The following SLC25A37 variants were observed in gnomAD, a reference collection of about 807,000 sequenced individuals.
SLC25A37 encodes the protein mitoferrin-1.
A neutral mutation model predicts 31.0 loss-of-function variants in SLC25A37; 17 were observed. That is an observed-to-expected ratio of 0.55 (90% CI 0.38 to 0.82). The LOEUF is 0.82. SLC25A37 is among the 40% of genes least tolerant of loss of function. SLC25A37 has a pLI of 0.00. For synonymous variants in SLC25A37, 222 were observed against 193.0 expected (o/e 1.15, Z -1.24); for missense variants, 404 against 465.8 (o/e 0.87, Z 1.22).
chr8:23,566,389 C>G (rs748869247), intron 2 of SLC25A37, 53 bp downstream of exon 2: 2 of 1,566,084 alleles, frequency 1.3e-6, no homozygotes, highest in African/African-American at 1.4e-5. Context: ...TCAACACGTC[C>G]CTCCCCAGGG....
At position 23,529,364 on chromosome 8, in the gene SLC25A37, C is replaced by A. The variant is rs1801615003; in HGVS notation, c.210+152C>A. 6.6e-6 allele frequency among the ~76,000 whole-genome samples: 1 copy of A among 151,520 alleles called. No individual in the cohort carries two copies. The highest frequency in any genetic ancestry group is 1.5e-5 in the Non-Finnish European group (1 of 67,810). On this transcript the variant is annotated intron_variant, in intron 1 of 3. Coordinates refer to ENST00000519973, the MANE Select transcript of SLC25A37 (RefSeq NM_016612.4). This position sits in a 1 kb window ranked among gnomAD's most constrained non-coding sequence, Gnocchi z 4.1. ...GCCGGGGTCGCCCCAGGAGCAGCTGCGCGCAGCCTGGGCGCCGCGCCTTCC... is the reference window on the plus strand; with the variant it reads ...GCCGGGGTCGCCCCAGGAGCAGCTGAGCGCAGCCTGGGCGCCGCGCCTTCC...
At position 23,571,670 on chromosome 8, in the gene SLC25A37, C is replaced by T; in HGVS notation, c.832C>T (p.Arg278Trp). ...VALSLANISG[R>W]LSGMANAFRT... Reference sequence around the variant, plus strand: ...CCTCTCGCTGGCCAACATCAGCGGCCGGCTGTCGGGTATGGCCAATGCCTT... The same window carrying T: ...CCTCTCGCTGGCCAACATCAGCGGCTGGCTGTCGGGTATGGCCAATGCCTT... The change falls in exon 4 of 4, where the codon CGG becomes TGG. Residue 278 changes from arginine (R) to tryptophan (W), a missense_variant. Physicochemically the swap from Arg to Trp is moderately radical, Grantham distance 101. This residue lies in a region of SLC25A37 where 243 missense variants were observed against 284.4 expected (regional missense o/e 0.85). Coordinates refer to ENST00000519973, the MANE Select transcript of SLC25A37 (RefSeq NM_016612.4). 6.2e-7 allele frequency: 1 copy of T among 1,613,982 alleles called. No homozygotes were observed. The highest frequency in any genetic ancestry group is 8.5e-7 in the Non-Finnish European group (1 of 1,179,880).
chr8:23,571,042 G>C (rs376907200), intron 3 of SLC25A37, among the ~76,000 whole-genome samples: 55 of 152,312 alleles, frequency 3.6e-4, no homozygotes, highest in African/African-American at 1.3e-3. Context: ...AGTCTGAAGT[G>C]GCTGCCTGGT....
At chr8:23,561,859 G>C (rs1393150864) in intron 1 of SLC25A37, among the ~76,000 whole-genome samples, 2 of 152,228 alleles carry the variant, frequency 1.3e-5, no homozygotes, top group Non-Finnish European at 2.9e-5. Context: ...GGGTAACTCT[G>C]ATCTTCAGCC....
rs17089394 is a variant in SLC25A37, at chr8:23,569,898, A to C, written c.497-1437A>C. Among the ~76,000 whole-genome samples, 968 of 152,288 alleles carry C rather than the reference A, an allele frequency of 6.4e-3. 15 individuals carry two copies. Among genetic ancestry groups the C allele is most frequent in the East Asian group, 0.063 (326 of 5,178 alleles). ...CTTTTCACCTTTTTGCCTCATCTGA[A>C]AATAGTTCCTGGCCAGAAGGGAGAA... On this transcript the variant is annotated intron_variant, in intron 3 of 3. Transcript: ENST00000519973.
chr8:23,543,657 C>T (rs1486452692), intron 1 of SLC25A37, among the ~76,000 whole-genome samples: 3 of 152,164 alleles, frequency 2.0e-5, no homozygotes, highest in African/African-American at 7.2e-5. Flanking sequence ...TCCCCAGCTT[C>T]CCGAGTTGCT....
chr8:23,536,079 AAATG>A (rs972968216), intron 1 of SLC25A37, among the ~76,000 whole-genome samples: 3 of 152,180 alleles, frequency 2.0e-5, no homozygotes, highest in Non-Finnish European at 2.9e-5. Flanking sequence ...CGTTGTCAAT[AAATG>A]GTGATGGTGA....
At chr8:23,548,496 T>TTTTG (rs1802131186) in intron 1 of SLC25A37, among the ~76,000 whole-genome samples, 1 of 148,270 alleles carries the variant, frequency 6.7e-6, no homozygotes, top group Admixed American at 6.7e-5. Context: ...TTTTTTTTTT[T>TTTTG]AGACTTGTTG....
At chr8:23,548,697 C>T (rs1264449107) in intron 1 of SLC25A37, among the ~76,000 whole-genome samples, 8 of 151,998 alleles carry the variant, frequency 5.3e-5, no homozygotes, top group Non-Finnish European at 8.8e-5. Flanking sequence ...CTCAAATTCC[C>T]GACCTCAGGT....
In SLC25A37 at chr8:23,546,597, AGTGTATGTG is replaced by A. The variant is rs1418458067; in HGVS notation, c.210+17386_210+17394del. 1.2e-3 allele frequency among the ~76,000 whole-genome samples: 70 copies of A among 60,744 alleles called. 1 individual carries two copies. Among genetic ancestry groups the A allele is most frequent in the African/African-American group, 8.2e-3 (66 of 8,094 alleles). The allele number at this position is 60,744 out of a possible 152,430, so 39.9% of individuals were successfully genotyped here. On this transcript the variant is annotated intron_variant, in intron 1 of 3. Transcript: ENST00000519973. ...ATATATATATAGTGTATATATATAT[AGTGTATGTG>A]TGTGTGTGTGTGTGTATATATATAT...
intron 1 of SLC25A37, among the ~76,000 whole-genome samples, chr8:23,549,374 T>A (rs1238388139): frequency 2.6e-5 from 4 of 152,214 alleles, no homozygotes; most frequent in Non-Finnish European, 4.4e-5. Flanking sequence ...GAGAGGGTTT[T>A]AGCGTAAAAA....
intron 2 of SLC25A37, chr8:23,567,661 C>CA (rs1300314025): frequency 6.6e-6 from 1 of 152,584 alleles, no homozygotes; most frequent in Admixed American, 6.5e-5. Flanking sequence ...GGAGGAAACT[C>CA]AAAGCCGAAA....
Position 23,563,916 on chromosome 8 carries a change from G to A in SLC25A37, c.211-2192G>A, listed in dbSNP as rs146294138. Among the ~76,000 whole-genome samples the A allele has an allele frequency of 7.0e-3, 1,062 of 152,230 alleles. 9 individuals carry two copies. The highest frequency in any genetic ancestry group is 0.025 in the African/African-American group (1,019 of 41,524). On this transcript the variant is annotated intron_variant, in intron 1 of 3. Coordinates refer to ENST00000519973, the MANE Select transcript of SLC25A37 (RefSeq NM_016612.4). ...GAATCGCTTGAACGTGGCAGGCGGAGGTTGCAGCGAGCCGAGATTGTGCCA... is the reference window on the plus strand; with the variant it reads ...GAATCGCTTGAACGTGGCAGGCGGAAGTTGCAGCGAGCCGAGATTGTGCCA...
rs1801614616 is a variant in SLC25A37, at chr8:23,529,352, C to G, written c.210+140C>G. 3 of 714,928 alleles carry G rather than the reference C, an allele frequency of 4.2e-6. No homozygotes were observed. The highest frequency in any genetic ancestry group is 6.1e-6 in the Non-Finnish European group (3 of 493,274). 44.3% of individuals were successfully genotyped at this position (714,928 alleles called of 1,614,324 possible). A position where few individuals can be genotyped will look rare whatever the true frequency, so the allele number is the denominator to read the frequency against. On this transcript the variant is annotated intron_variant, in intron 1 of 3. Coordinates refer to ENST00000519973, the MANE Select transcript of SLC25A37 (RefSeq NM_016612.4). This position sits in a 1 kb window ranked among gnomAD's most constrained non-coding sequence, Gnocchi z 4.1. ...GGACCGCGGCTGGCCGGGGTCGCCC[C>G]AGGAGCAGCTGCGCGCAGCCTGGGC... is the stretch of plus-strand genomic sequence containing the variant.
chr8:23,551,574 A>G (rs1385382727), intron 1 of SLC25A37, among the ~76,000 whole-genome samples: 2 of 151,148 alleles, frequency 1.3e-5, no homozygotes, highest in Admixed American at 6.6e-5. Flanking sequence ...TTTGCTGTTT[A>G]TCCAAAGGAA....
At position 23,571,663 on chromosome 8, in the gene SLC25A37, C is replaced by A. The variant is rs201338357; in HGVS notation, c.825C>A (p.Ile275=). The change falls in exon 4 of 4, where the codon ATC becomes ATA. Residue 275 remains isoleucine, a synonymous_variant. Transcript: ENST00000519973. ...QENVALSLAN[I]SGRLSGMANA... The stretch of plus-strand genomic sequence containing the variant: ...ACGTGGCCCTCTCGCTGGCCAACAT[C>A]AGCGGCCGGCTGTCGGGTATGGCCA... The A allele has an allele frequency of 1.9e-3, 3,095 of 1,614,000 alleles. 15 individuals are homozygous for A. Among genetic ancestry groups the A allele is most frequent in the Non-Finnish European group, 1.2e-3 (1,426 of 1,179,896 alleles).
chr8:23,546,531 GTATATATATATATATATATATAGTGTA>G (rs1175510959), intron 1 of SLC25A37, among the ~76,000 whole-genome samples: 10,514 of 36,282 alleles, frequency 0.29, 684 homozygotes, highest in South Asian at 0.35. Flanking sequence ...ATATATAGGT[GTATATATATATATATATATATAGTGTA>G]TATATATATA....
intron 1 of SLC25A37, among the ~76,000 whole-genome samples, chr8:23,537,009 A>G (rs1801782283): frequency 6.6e-6 from 1 of 152,182 alleles, no homozygotes; most frequent in South Asian, 2.1e-4. Flanking sequence ...CAGCCTGGGC[A>G]ACATAGCGAG....
intron 1 of SLC25A37, among the ~76,000 whole-genome samples, chr8:23,551,557 C>T (rs757846538): frequency 6.6e-6 from 1 of 151,184 alleles, no homozygotes; most frequent in Non-Finnish European, 1.5e-5. Flanking sequence ...CTAAGAATGA[C>T]GTCTTTTTTG....
Sources: allele counts gnomAD v4.1 joint callset (sites outside exome capture counted in the v4.1 genomes callset), GRCh38; gene constraint gnomAD v4.1.1; regional missense constraint gnomAD v4.1.1; non-coding constraint Gnocchi (gnomAD v3.1); transcripts MANE v1.5; gene names NCBI Gene and HGNC (gene_info 2026-07-23, HGNC 2026-07-21).